Variants in PTPRD observed in about 807,000 individuals in gnomAD.
PTPRD encodes the protein receptor-type tyrosine-protein phosphatase delta.
PTPRD carries 34 observed loss-of-function variants against 214.5 expected under a neutral mutation model. The observed-to-expected ratio is 0.16, with a 90% CI of 0.12 to 0.21. The LOEUF (loss-of-function observed/expected upper bound fraction) is 0.21, where lower values mean the gene tolerates loss of function less well. Among genes scored for constraint, PTPRD ranks in the 10% least tolerant of loss-of-function variants. PTPRD has a pLI of 1.00. For synonymous variants in PTPRD, 1,128 were observed against 845.7 expected, an observed-to-expected ratio of 1.33 and a Z score of -5.79; for missense variants, 2,545 against 2,398.7, an observed-to-expected ratio of 1.06 and a Z score of -1.27.
At chr9:10,476,872 A>C (rs2131955835) in intron 2 of PTPRD, among the ~76,000 whole-genome samples, 1 of 152,310 alleles carries the variant, frequency 6.6e-6, no homozygotes, top group Non-Finnish European at 1.5e-5. Flanking sequence ...ATACCTGACA[A>C]CAAGCAATAG....
In PTPRD at chr9:8,478,627, G is replaced by C. The variant is rs116992623; in HGVS notation, c.3413+5492C>G. Reference sequence around the variant, plus strand: ...CTTCTGAACAACAGTAGCACTGCTAGATCTGACTGGCATTCTGCTCCCCAA... The same window carrying C: ...CTTCTGAACAACAGTAGCACTGCTACATCTGACTGGCATTCTGCTCCCCAA... On this transcript the variant is annotated intron_variant, in intron 30 of 45. Coordinates refer to ENST00000381196, the MANE Select transcript of PTPRD (RefSeq NM_002839.4). Among the ~76,000 whole-genome samples the C allele has an allele frequency of 5.4e-3, 818 of 152,222 alleles. 3 individuals are homozygous for C. Among genetic ancestry groups the C allele is most frequent in the Admixed American group, 0.013 (194 of 15,284 alleles).
At chr9:9,982,218 T>A (rs1588106607) in intron 4 of PTPRD, among the ~76,000 whole-genome samples, 1 of 152,132 alleles carries the variant, frequency 6.6e-6, no homozygotes, top group Non-Finnish European at 1.5e-5. Context: ...CAAGCCTTTT[T>A]GAGGCACTTA....
chr9:10,055,236 C>T (rs746813647), intron 3 of PTPRD, among the ~76,000 whole-genome samples: 1 of 152,112 alleles, frequency 6.6e-6, no homozygotes, highest in African/African-American at 2.4e-5. Flanking sequence ...AAGACACTTG[C>T]CTGCTTTACT....
chr9:8,376,287 A>G (rs1039336), intron 38 of PTPRD, among the ~76,000 whole-genome samples, 197 bp from the exon 39 acceptor site: 57,611 of 151,794 alleles, frequency 0.38, 12,349 homozygotes, highest in East Asian at 0.63. Flanking sequence ...AGGAAGACAA[A>G]ATTCTTAGGT....
intron 10 of PTPRD, among the ~76,000 whole-genome samples, chr9:9,178,558 C>T (rs1569559185): frequency 6.6e-6 from 1 of 151,890 alleles, no homozygotes; most frequent in African/African-American, 2.4e-5. Context: ...TATTTTAGTT[C>T]TAATATTCTC....
rs1011430932 is a variant in PTPRD, at chr9:9,270,853, A to G, written c.-202-87490T>C. Among the ~76,000 whole-genome samples, 83 of 151,374 alleles carry G rather than the reference A, an allele frequency of 5.5e-4. 1 individual carries two copies. Among genetic ancestry groups the G allele is most frequent in the African/African-American group, 2.0e-3 (82 of 41,324 alleles). On this transcript the variant is annotated intron_variant, in intron 9 of 45. Transcript: ENST00000381196. Reference sequence around the variant, plus strand: ...CACACACATTTTAAGGGTAGAACCAATAGAACTCATTAATGGAATAGATAT... The same window carrying G: ...CACACACATTTTAAGGGTAGAACCAGTAGAACTCATTAATGGAATAGATAT...
chr9:8,851,993 A>G lies in PTPRD; in HGVS notation c.-103-118047T>C, dbSNP rs555980337. 3.9e-5 allele frequency among the ~76,000 whole-genome samples: 6 copies of G among 152,278 alleles called. No individual in the cohort carries two copies. In the South Asian group the frequency reaches 1.2e-3, roughly 32 times the overall value. ...GAGAATTAACAATAACTGATATCCA[A>G]CCATTTATGAAATCATTACTAATAC... On this transcript the variant is annotated intron_variant, in intron 11 of 45. Transcript: ENST00000381196.
At chr9:9,245,362 A>G (rs1489029859) in intron 9 of PTPRD, among the ~76,000 whole-genome samples, 1 of 152,180 alleles carries the variant, frequency 6.6e-6, no homozygotes, top group Non-Finnish European at 1.5e-5. Context: ...AAGACTTGGA[A>G]CCAACCCAAA....
chr9:9,203,594 G>A (rs1351816164), intron 9 of PTPRD, among the ~76,000 whole-genome samples: 1 of 151,876 alleles, frequency 6.6e-6, no homozygotes, highest in East Asian at 1.9e-4. Flanking sequence ...ATCTTTTCAG[G>A]AAGCCATCCT....
At chr9:8,589,714 G>A (rs1004148177) in intron 14 of PTPRD, among the ~76,000 whole-genome samples, 4 of 152,052 alleles carry the variant, frequency 2.6e-5, no homozygotes, top group African/African-American at 7.2e-5. Flanking sequence ...ACTTGGTTGC[G>A]TTGGCACGTC....
intron 8 of PTPRD, among the ~76,000 whole-genome samples, chr9:9,402,887 C>G (rs2071269582): frequency 8.2e-6 from 1 of 121,468 alleles, no homozygotes; most frequent in Non-Finnish European, 1.6e-5. Flanking sequence ...CTCAGAGAAG[C>G]AATGAAAAAT....
intron 3 of PTPRD, among the ~76,000 whole-genome samples, chr9:10,038,568 T>C (rs2097233181): frequency 6.6e-6 from 1 of 152,134 alleles, no homozygotes; most frequent in Non-Finnish European, 1.5e-5. Flanking sequence ...ATTATCACCA[T>C]TTTGAAAATC....
At chr9:8,489,726 G>A (rs1296590682) in intron 27 of PTPRD, among the ~76,000 whole-genome samples, 1 of 152,168 alleles carries the variant, frequency 6.6e-6, no homozygotes, top group East Asian at 1.9e-4. Context: ...GGATAAAAAA[G>A]GGAAAAGGAA....
At chr9:8,351,963 G>C (rs996801087) in intron 39 of PTPRD, among the ~76,000 whole-genome samples, 3 of 151,780 alleles carry the variant, frequency 2.0e-5, no homozygotes, top group African/African-American at 7.3e-5. Flanking sequence ...TCAGGGATGA[G>C]CTACCAGGTT....
At chr9:8,345,257 C>G (rs1856478528) in intron 39 of PTPRD, among the ~76,000 whole-genome samples, 1 of 152,058 alleles carries the variant, frequency 6.6e-6, no homozygotes, top group African/African-American at 2.4e-5. Flanking sequence ...TTCCCCTTCT[C>G]TGACAACACT....
At chr9:9,349,516 A>T (rs1004728214) in intron 9 of PTPRD, among the ~76,000 whole-genome samples, 1 of 152,092 alleles carries the variant, frequency 6.6e-6, no homozygotes, top group Admixed American at 6.6e-5. Context: ...AGACTTTGGA[A>T]TCCCACTCAA....
chr9:10,464,834 G>T (rs190096757), intron 2 of PTPRD, among the ~76,000 whole-genome samples: 1 of 152,056 alleles, frequency 6.6e-6, no homozygotes. Context: ...AAAATTCCAG[G>T]TGAAAATTTG....
intron 5 of PTPRD, among the ~76,000 whole-genome samples, chr9:9,882,471 G>T (rs762097463): frequency 2.0e-5 from 3 of 152,076 alleles, no homozygotes; most frequent in Non-Finnish European, 4.4e-5. Flanking sequence ...TGAGGATGAA[G>T]GGTACTGATA....
chr9:8,637,453 A>T (rs78345951), intron 12 of PTPRD, among the ~76,000 whole-genome samples: 4,886 of 152,292 alleles, frequency 0.032, 277 homozygotes, highest in African/African-American at 0.11. Context: ...AAAGAAGATG[A>T]GTCAAGAAGC....
Sources: gnomAD v4.1 joint callset for allele counts (sites outside exome capture counted in the v4.1 genomes callset) on GRCh38, gnomAD v4.1.1 for gene constraint, MANE v1.5 for transcripts, NCBI Gene and HGNC (gene_info 2026-07-23, HGNC 2026-07-21) for gene names.